The following ATL1 variants were observed in gnomAD, a reference collection of about 807,000 sequenced individuals.
ATL1 encodes atlastin GTPase 1, also known as atlastin-1.
A neutral mutation model predicts 75.5 loss-of-function variants in ATL1; 31 were observed. The ratio of observed to expected loss-of-function variants is 0.41; its 90% confidence interval spans 0.31 to 0.55. The LOEUF is 0.55. Among genes scored for constraint, ATL1 ranks in the 20% least tolerant of loss-of-function variants. The pLI is 0.27. For missense variants in ATL1, 405 were observed against 662.6 expected, an observed-to-expected ratio of 0.61 and a Z score of 4.27; for synonymous variants, 226 against 233.3, an observed-to-expected ratio of 0.97 and a Z score of 0.28.
intron 1 of ATL1, among the ~76,000 whole-genome samples, chr14:50,541,357 C>T (rs1243467254): frequency 6.6e-6 from 1 of 152,136 alleles, no homozygotes; most frequent in African/African-American, 2.4e-5. Context: ...TTAAAAAATA[C>T]CACTAATACC....
At position 50,614,378 on chromosome 14, in the gene ATL1, A is replaced by G. The variant is rs1196783026; in HGVS notation, c.729A>G (p.Ser243=). 7.4e-6 allele frequency: 12 copies of G among 1,614,010 alleles called. No homozygotes were observed. Among genetic ancestry groups the G allele is most frequent in the Non-Finnish European group, 1.0e-5 (12 of 1,179,874 alleles). Residue 243 remains serine, a synonymous_variant, in exon 8 of 14, where the codon TCA becomes TCG. Transcript: ENST00000358385. ...TTCAGAATGATTTACTGCAGGTCTC[A>G]GGGAACCAGCATGAAGAACTACAGA... ...AKFLEKRLKV[S]GNQHEELQNV... is the part of the protein sequence containing the mutation.
chr14:50,575,572 T>A (rs2038998278), intron 1 of ATL1, among the ~76,000 whole-genome samples: 1 of 152,206 alleles, frequency 6.6e-6, no homozygotes, highest in South Asian at 2.1e-4. Context: ...CACAATGTTT[T>A]TGATGTCATT....
chr14:50,563,701 AT>A (rs1290353243), intron 1 of ATL1, among the ~76,000 whole-genome samples: 1 of 152,256 alleles, frequency 6.6e-6, no homozygotes, highest in East Asian at 1.9e-4. Context: ...GCAGAAAAGC[AT>A]CTCTGCTGAC....
At chr14:50,594,793 G>C (rs957293243) in intron 5 of ATL1, among the ~76,000 whole-genome samples, 1 of 152,130 alleles carries the variant, frequency 6.6e-6, no homozygotes, top group Admixed American at 6.5e-5. Flanking sequence ...CCAGGAGTTT[G>C]AGACCAGCCT....
At chr14:50,562,169 C>G (rs1314640491) in intron 1 of ATL1, among the ~76,000 whole-genome samples, 11 of 152,028 alleles carry the variant, frequency 7.2e-5, no homozygotes. Context: ...CTCAACCTCC[C>G]GAGCAGCTGG....
chr14:50,593,226 T>A (rs568467116), intron 4 of ATL1, among the ~76,000 whole-genome samples: 3 of 152,122 alleles, frequency 2.0e-5, no homozygotes, highest in Non-Finnish European at 2.9e-5. Flanking sequence ...TGACTTTTTT[T>A]AATTATGTGA....
chr14:50,565,957 C>T (rs1467266370), intron 1 of ATL1, among the ~76,000 whole-genome samples: 2 of 152,078 alleles, frequency 1.3e-5, no homozygotes, highest in African/African-American at 4.8e-5. Flanking sequence ...TTTGTCACTC[C>T]TTGTATGCCT....
chr14:50,591,188 C>A, intron 3 of ATL1, 113 bp downstream of exon 3: 1 of 1,091,126 alleles, frequency 9.2e-7, no homozygotes, highest in Non-Finnish European at 1.3e-6. Context: ...TGACATGAAG[C>A]TTAAAGTGGG....
At chr14:50,629,499 T>G (rs2039557012) in intron 12 of ATL1, among the ~76,000 whole-genome samples, 1 of 150,116 alleles carries the variant, frequency 6.7e-6, no homozygotes, top group Non-Finnish European at 1.5e-5. Context: ...GAGAATCGCT[T>G]GAACCCAGAA....
chr14:50,583,989 C>A (rs773596799), intron 1 of ATL1, among the ~76,000 whole-genome samples: 4 of 152,122 alleles, frequency 2.6e-5, no homozygotes, highest in Non-Finnish European at 5.9e-5. Context: ...AAATTTGTTT[C>A]TCATATTTAA....
chr14:50,549,828 G>A (rs954534437), intron 1 of ATL1, among the ~76,000 whole-genome samples: 48 of 152,138 alleles, frequency 3.2e-4, no homozygotes, highest in African/African-American at 1.1e-3. Flanking sequence ...AAGTTCCCTG[G>A]ACTAAGAATC....
At chr14:50,547,154 G>A (rs1889127194) in intron 1 of ATL1, among the ~76,000 whole-genome samples, 1 of 152,138 alleles carries the variant, frequency 6.6e-6, no homozygotes, top group Admixed American at 6.5e-5. Flanking sequence ...AGTTAGAATA[G>A]TGATTAGATT....
At chr14:50,598,200 G>A (rs1192530397) in intron 6 of ATL1, among the ~76,000 whole-genome samples, 1 of 151,818 alleles carries the variant, frequency 6.6e-6, no homozygotes, top group Admixed American at 6.6e-5. Context: ...GATCACAGAT[G>A]GTATGATTTA....
In ATL1 at chr14:50,539,185, G is replaced by A. The variant is rs188304049; in HGVS notation, c.-140+5818G>A. On this transcript the variant is annotated intron_variant, in intron 1 of 13. Transcript: ENST00000441560. ...AAGGAAAATGGAACAGTGGTATCCT[G>A]TAGCATGGAGTGGCATCACAATTAC... is the stretch of plus-strand genomic sequence containing the variant. 1.4e-4 allele frequency among the ~76,000 whole-genome samples: 22 copies of A among 152,336 alleles called. No homozygotes were observed. The East Asian group carries it at 4.1e-3, about 28-fold the overall frequency.
chr14:50,585,427 G>A (rs776265799), intron 1 of ATL1, among the ~76,000 whole-genome samples: 9 of 152,100 alleles, frequency 5.9e-5, no homozygotes, highest in Non-Finnish European at 1.3e-4. Flanking sequence ...ATTCACATTT[G>A]TGTGCTCAGA....
At chr14:50,542,251 G>A (rs1328569490) in intron 1 of ATL1, among the ~76,000 whole-genome samples, 13 of 145,144 alleles carry the variant, frequency 9.0e-5, no homozygotes, top group African/African-American at 3.4e-4. Flanking sequence ...TGGACACAGG[G>A]AGGGGAACAT....
intron 6 of ATL1, among the ~76,000 whole-genome samples, chr14:50,609,551 A>C (rs1542791): frequency 0.74 from 112,433 of 151,766 alleles, 42,202 homozygotes; most frequent in African/African-American, 0.85. Context: ...TTCTTGATTC[A>C]AGATTCTTGG....
In ATL1 at chr14:50,580,391, G is replaced by A. The variant is rs180853253; in HGVS notation, c.35-7440G>A. ...TTTTCTTCTATTCCTACTTTGCTGT[G>A]AGGTTTTTTTGGTTTTGTTTTCTTT... On this transcript the variant is annotated intron_variant, in intron 1 of 13. Coordinates refer to ENST00000358385, the MANE Select transcript of ATL1 (RefSeq NM_015915.5). Among the ~76,000 whole-genome samples the A allele has an allele frequency of 6.8e-3, 1,033 of 152,172 alleles. 15 individuals carry two copies. The highest frequency in any genetic ancestry group is 0.023 in the African/African-American group (967 of 41,536).
At position 50,591,557 on chromosome 14, in the gene ATL1, C is replaced by G. The variant is rs149031604; in HGVS notation, c.440C>G (p.Thr147Ser). ...GKKVAVLLMD[T>S]QGTFDSQSTL... ...TAGGTTGCAGTGTTATTGATGGATA[C>G]TCAGGGAACCTTTGATAGTCAGTCA... The change falls in exon 4 of 14, where the codon ACT (threonine) becomes AGT (serine). Residue 147 changes from threonine (T) to serine (S), a missense_variant. Physicochemically the swap from Thr to Ser is moderately conservative, Grantham distance 58. Transcript: ENST00000358385. The G allele has an allele frequency of 6.2e-7, 1 of 1,613,360 alleles. No individual in the cohort carries two copies. Among genetic ancestry groups the G allele is most frequent in the African/African-American group, 1.3e-5 (1 of 74,880 alleles).
Sources: gnomAD v4.1 joint callset for allele counts (sites outside exome capture counted in the v4.1 genomes callset) on GRCh38, gnomAD v4.1.1 for gene constraint, MANE v1.5 for transcripts, NCBI Gene and HGNC (gene_info 2026-07-23, HGNC 2026-07-21) for gene names.